Variants in TTN observed in about 807,000 individuals in gnomAD.
TTN encodes connectin.
A neutral mutation model predicts 3,223.0 loss-of-function variants in TTN; 1,525 were observed. The ratio of observed to expected loss-of-function variants is 0.47; its 90% CI spans 0.45 to 0.49. TTN has a LOEUF of 0.49. Ranked by LOEUF, TTN falls within the 20% of genes least tolerant of loss-of-function variation. The pLI, the probability that TTN is intolerant of heterozygous loss-of-function variation, is 0.00. For synonymous variants in TTN, 14,094 were observed against 15,161.0 expected (o/e 0.93, Z 5.17); for missense variants, 40,786 against 43,424.0 (o/e 0.94, Z 5.40).
chr2:178,770,894 G>T (rs1483491870), intron 34 of TTN: 3 of 813,264 alleles, frequency 3.7e-6, no homozygotes, highest in Non-Finnish European at 4.3e-6. Context: ...CTATGCTTTA[G>T]TAGTATGAAG....
chr2:178,684,145 A>C (rs1247424613), intron 132 of TTN, 63 bp from the exon 133 acceptor site: 77 of 1,560,620 alleles, frequency 4.9e-5, no homozygotes, highest in Non-Finnish European at 6.5e-5. Flanking sequence ...AAAGGCAGCC[A>C]TAAAGTAGTA....
In TTN at chr2:178,664,763, T is replaced by C. The variant is rs766687966; in HGVS notation, c.36119-26A>G. Reference sequence around the variant, plus strand: ...CTTTAAGAAATTAGTAGTTTTATGTTTAGTGTTATGCAGATAACTAGGAAT... The same window carrying C: ...CTTTAAGAAATTAGTAGTTTTATGTCTAGTGTTATGCAGATAACTAGGAAT... On this transcript the variant is annotated intron_variant, in intron 166 of 362. Transcript: ENST00000589042. 18 of 1,611,460 alleles carry C rather than the reference T, an allele frequency of 1.1e-5. 1 individual carries two copies. In the Middle Eastern group the frequency reaches 9.9e-4, roughly 88 times the overall value.
At position 178,554,554 on chromosome 2, in the gene TTN, A is replaced by C; in HGVS notation, c.88793T>G (p.Ile29598Ser). The C allele has an allele frequency of 6.2e-7, 1 of 1,613,788 alleles. No homozygotes were observed. Among genetic ancestry groups the C allele is most frequent in the Non-Finnish European group, 8.5e-7 (1 of 1,179,832 alleles). Reference protein sequence around the residue: ...LEECIITTTKIIKGNEYIFRV... With the variant: ...LEECIITTTKSIKGNEYIFRV... ...GAAGATGTATTCATTTCCTTTGATA[A>C]TTTTGGTGGTTGTAATGATGCACTC... Residue 29598 changes from isoleucine (I) to serine (S), a missense_variant, in exon 332 of 363, where the codon ATT (isoleucine) becomes AGT (serine). Coordinates refer to ENST00000589042, the MANE Select transcript of TTN (RefSeq NM_001267550.2).
chr2:178,651,909 C>A lies in TTN; in HGVS notation c.39354G>T (p.Glu13118Asp). Residue 13118 changes from glutamate to aspartate, a missense_variant, in exon 205 of 363, where the codon GAG (glutamate) becomes GAT (aspartate). Glu to Asp is a conservative substitution (Grantham distance 45). Transcript: ENST00000589042. Reference protein sequence around the residue: ...LEEPPAEVVEEPEPAAPPQVT... With the variant: ...LEEPPAEVVEDPEPAAPPQVT... ...CTTGTGGAGGCGCCGCTGGCTCTGG[C>A]TCTTCCACAACTTCAGCAGGAGGCT... is the stretch of plus-strand genomic sequence containing the variant. 6.2e-7 allele frequency: 1 copy of A among 1,609,848 alleles called. No individual in the cohort carries two copies. The highest frequency in any genetic ancestry group is 8.5e-7 in the Non-Finnish European group (1 of 1,178,122).
chr2:178,541,923 A>AT, intron 349 of TTN: 1 of 245,252 alleles, frequency 4.1e-6, no homozygotes, highest in Non-Finnish European at 7.7e-6. Flanking sequence ...TGCACTCTGT[A>AT]TTTTTTTCTC....
intron 308 of TTN, among the ~76,000 whole-genome samples, chr2:178,585,841 T>C (rs2048830079): frequency 6.6e-6 from 1 of 152,124 alleles, no homozygotes; most frequent in Non-Finnish European, 1.5e-5. Context: ...CAGTCTGTCA[T>C]TGATGGGCAT....
intron 121 of TTN, among the ~76,000 whole-genome samples, chr2:178,690,158 G>A (rs1224824417): frequency 6.6e-6 from 1 of 152,144 alleles, no homozygotes. Flanking sequence ...TTTATATATT[G>A]TATGACCTTG....
intron 87 of TTN, 61 bp from the exon 88 acceptor site, chr2:178,717,443 A>G (rs2077656963): frequency 2.6e-6 from 4 of 1,564,542 alleles, no homozygotes; most frequent in Middle Eastern, 1.7e-4. Flanking sequence ...TACAGAGCAG[A>G]AACTAAATGG....
At position 178,646,103 on chromosome 2, in the gene TTN, A is replaced by ATT. The variant is rs1387119787; in HGVS notation, c.40298-75_40298-74dup. 334 of 38,186 alleles carry ATT rather than the reference A, an allele frequency of 8.7e-3. 9 individuals carry two copies. The highest frequency in any genetic ancestry group is 0.041 in the African/African-American group (292 of 7,130). The allele number at this position is 38,186 out of a possible 1,614,324, so 2.4% of individuals were successfully genotyped here. On this transcript the variant is annotated intron_variant, in intron 216 of 362. Coordinates refer to ENST00000589042, the MANE Select transcript of TTN (RefSeq NM_001267550.2). The stretch of plus-strand genomic sequence containing the variant: ...TGGATATGTAGTATATTTAATAGAA[A>ATT]TTATATATATATATATATATATATA...
In TTN at chr2:178,794,657, A is replaced by G. The variant is rs1362647678; in HGVS notation, c.1246-106T>C. ...GCCACCTAGAGCAAAATACACTCAT[A>G]CATAAGCATTTATTATTGCCAAGAA... On this transcript the variant is annotated intron_variant, in intron 7 of 362. Transcript: ENST00000589042. The G allele has an allele frequency of 2.2e-6, 3 of 1,352,222 alleles. No individual in the cohort carries two copies. In the Admixed American group the frequency reaches 5.2e-5, roughly 24 times the overall value. The allele number at this position is 1,352,222 out of a possible 1,614,324, so 83.8% of individuals were successfully genotyped here. A position where few individuals can be genotyped will look rare whatever the true frequency, so the allele number is the denominator to read the frequency against.
At position 178,536,505 on chromosome 2, in the gene TTN, C is replaced by T. The variant is rs749267670; in HGVS notation, c.100242G>A (p.Lys33414=). 2 of 1,555,976 alleles carry T rather than the reference C, an allele frequency of 1.3e-6. No individual in the cohort carries two copies. The highest frequency in any genetic ancestry group is 1.7e-6 in the Non-Finnish European group (2 of 1,152,480). ...VTKDSCVVAW[K]PPASDGGAKI... is the part of the protein sequence containing the mutation. ...TTGCACCTCCATCACTGGCAGGTGGCTTCCAGGCCACAACACAAGAATCTT... is the reference window on the plus strand; with the variant it reads ...TTGCACCTCCATCACTGGCAGGTGGTTTCCAGGCCACAACACAAGAATCTT... The change falls in exon 357 of 363, where the codon AAG becomes AAA. Residue 33414 remains lysine, a synonymous_variant. Transcript: ENST00000589042.
chr2:178,703,003 C>T (rs1386872977), intron 106 of TTN, among the ~76,000 whole-genome samples: 1 of 152,184 alleles, frequency 6.6e-6, no homozygotes, highest in African/African-American at 2.4e-5. Context: ...CTTGATTGTA[C>T]TCTACAACTT....
chr2:178,572,360 A>C lies in TTN; in HGVS notation c.73772T>G (p.Phe24591Cys), dbSNP rs371513695. ...DQLQEGCSYYFRVLAENEYGI... is the reference protein window; with the variant it reads ...DQLQEGCSYYCRVLAENEYGI... Reference sequence around the variant, plus strand: ...ATATTCATTTTCTGCGAGAACCCTGAAATAGTAGCTACAGCCTTCTTGAAG... The same window carrying C: ...ATATTCATTTTCTGCGAGAACCCTGCAATAGTAGCTACAGCCTTCTTGAAG... The change falls in exon 326 of 363, where the codon TTC becomes TGC. Residue 24591 changes from phenylalanine (F) to cysteine (C), a missense_variant. By Grantham distance (205) the Phe-to-Cys change is radical. Coordinates refer to ENST00000589042, the MANE Select transcript of TTN (RefSeq NM_001267550.2). The C allele has an allele frequency of 1.2e-6, 2 of 1,612,610 alleles. No individual in the cohort carries two copies. The highest frequency in any genetic ancestry group is 1.7e-6 in the Non-Finnish European group (2 of 1,178,908).
Position 178,579,178 on chromosome 2 carries a change from C to T in TTN, c.67852G>A (p.Ala22618Thr). The change falls in exon 320 of 363, where the codon GCT (alanine) becomes ACT (threonine). Residue 22618 changes from alanine to threonine, a missense_variant. By Grantham distance (58) the Ala-to-Thr change is moderately conservative (BLOSUM62 0). Coordinates refer to ENST00000589042, the MANE Select transcript of TTN (RefSeq NM_001267550.2). ...LIVYDCQKSD[A>T]GKYTITLKNV... ...TTAAGTGTGATTGTGTATTTTCCAG[C>T]ATCAGATTTTTGGCAATCGTACACT... 1 of 1,613,504 alleles carries T rather than the reference C, an allele frequency of 6.2e-7. No individual in the cohort carries two copies. The highest frequency in any genetic ancestry group is 8.5e-7 in the Non-Finnish European group (1 of 1,179,600).
Position 178,723,243 on chromosome 2 carries a change from C to G in TTN, c.21764G>C (p.Gly7255Ala). The G allele has an allele frequency of 1.2e-6, 2 of 1,613,564 alleles. No homozygotes were observed. The highest frequency in any genetic ancestry group is 1.7e-6 in the Non-Finnish European group (2 of 1,179,684). ...CCAAGTGACAGAAATTGGAAGTGTT[C>G]CAGTGTAGGTGCTCTCCAGAATTAT... ...KSIILESTYT[G>A]TLPISVTWKK... Residue 7255 changes from glycine to alanine, a missense_variant, in exon 75 of 363, where the codon GGA becomes GCA. Gly to Ala is a moderately conservative substitution (Grantham distance 60). Coordinates refer to ENST00000589042, the MANE Select transcript of TTN (RefSeq NM_001267550.2).
At chr2:178,602,672 T>G in intron 282 of TTN, 82 bp from the exon 283 acceptor site, 1 of 1,040,232 alleles carries the variant, frequency 9.6e-7, no homozygotes, top group Non-Finnish European at 1.3e-6. Flanking sequence ...CATGATCATA[T>G]ATTATTTTAA....
In TTN at chr2:178,799,426, T is replaced by A. The variant is rs2093939276; in HGVS notation, c.914+61A>T. The A allele has an allele frequency of 3.7e-6, 6 of 1,611,930 alleles. No homozygotes were observed. The African/African-American group carries it at 4.0e-5, about 11-fold the overall frequency. On this transcript the variant is annotated intron_variant, in intron 6 of 362. Transcript: ENST00000589042. Reference sequence around the variant, plus strand: ...CCTGCGAGGGGGACAAGGGAATCTTTCTCGTTTCAAAACCTAGTTCCAAAA... The same window carrying A: ...CCTGCGAGGGGGACAAGGGAATCTTACTCGTTTCAAAACCTAGTTCCAAAA...
At chr2:178,787,073 T>C (rs543542729) in intron 13 of TTN, among the ~76,000 whole-genome samples, 2 of 151,950 alleles carry the variant, frequency 1.3e-5, no homozygotes, top group South Asian at 4.2e-4. Flanking sequence ...TAAAAGTACA[T>C]TTTAAAAGTG....
At position 178,537,073 on chromosome 2, in the gene TTN, T is replaced by A. The variant is rs1436237460; in HGVS notation, c.100036A>T (p.Ile33346Phe). ...ACAATTCTACAGGTTGTCACTGAGA[T>A]GGCTGAAGACACCAATTGCCATTCA... Reference protein sequence around the residue: ...GAEWQLVSSAISVTTCRIVNL... With the variant: ...GAEWQLVSSAFSVTTCRIVNL... The change falls in exon 356 of 363, where the codon ATC (isoleucine) becomes TTC (phenylalanine). Residue 33346 changes from isoleucine (I) to phenylalanine (F), a missense_variant. Ile to Phe is a conservative substitution (Grantham distance 21). Coordinates refer to ENST00000589042, the MANE Select transcript of TTN (RefSeq NM_001267550.2). 1 of 1,613,232 alleles carries A rather than the reference T, an allele frequency of 6.2e-7. No homozygotes were observed. The highest frequency in any genetic ancestry group is 8.5e-7 in the Non-Finnish European group (1 of 1,179,552).
Sources: gnomAD v4.1 joint callset for allele counts (sites outside exome capture counted in the v4.1 genomes callset) on GRCh38, gnomAD v4.1.1 for gene constraint, MANE v1.5 for transcripts, NCBI Gene and HGNC (gene_info 2026-07-23, HGNC 2026-07-21) for gene names.